The following IQCB1 variants were observed in gnomAD, a reference collection of about 807,000 sequenced individuals.
IQCB1 encodes the protein IQ calmodulin-binding motif-containing protein 1.
Under a neutral mutation model 84.4 loss-of-function variants are expected in IQCB1, and 56 were observed. That is an observed-to-expected ratio of 0.66 (90% confidence interval 0.54 to 0.83). IQCB1 has a LOEUF of 0.83. IQCB1 is among the 40% of genes least tolerant of loss of function. The probability of loss-of-function intolerance (pLI) is 0.00; values close to 1 mark genes in which losing one functional copy is unlikely to be tolerated. For missense variants in IQCB1, 629 were observed against 682.1 expected (o/e 0.92, Z 0.87); for synonymous variants, 210 against 234.8 (o/e 0.89, Z 0.96).
Position 121,788,396 on chromosome 3 carries a change from T to C in IQCB1, c.1166A>G (p.Lys389Arg). 6.2e-7 allele frequency: 1 copy of C among 1,613,920 alleles called. No homozygotes were observed. Among genetic ancestry groups the C allele is most frequent in the South Asian group, 1.1e-5 (1 of 91,080 alleles). Residue 389 changes from lysine to arginine, a missense_variant, in exon 12 of 15, where the codon AAA (lysine) becomes AGA (arginine). By Grantham distance (26) the Lys-to-Arg change is conservative (BLOSUM62 2). Transcript: ENST00000310864. ...ATGTTTCTGGATAATCAGTGCTGAT[T>C]TCTCTTCCATTTCCCGATAGTGTTT... ...VEKHYREMEEKSALIIQKHWR... is the reference protein window; with the variant it reads ...VEKHYREMEERSALIIQKHWR...
chr3:121,772,574 T>C lies in IQCB1; in HGVS notation c.1550A>G (p.Asn517Ser), dbSNP rs774106373. The C allele has an allele frequency of 6.8e-6, 11 of 1,614,232 alleles. No homozygotes were observed. The highest frequency in any genetic ancestry group is 1.1e-5 in the South Asian group (1 of 91,090). Residue 517 changes from asparagine (N) to serine (S), a missense_variant, in exon 14 of 15, where the codon AAC becomes AGC. Coordinates refer to ENST00000310864, the MANE Select transcript of IQCB1 (RefSeq NM_001023570.4). ...GCACATACTCATTAGCTGTTCAACG[T>C]TGGTGCTGATCTGTGCTATCAGAGC... ...REALIAQISTNVEQLMKAPSL... is the reference protein window; with the variant it reads ...REALIAQISTSVEQLMKAPSL...
intron 8 of IQCB1, among the ~76,000 whole-genome samples, chr3:121,798,236 T>C (rs1159118197): frequency 1.3e-5 from 2 of 151,918 alleles, no homozygotes; most frequent in African/African-American, 4.8e-5. Context: ...TCAAGGTACA[T>C]TATTACAATG....
At chr3:121,811,548 G>A (rs1479312759) in intron 5 of IQCB1, among the ~76,000 whole-genome samples, 1 of 152,148 alleles carries the variant, frequency 6.6e-6, no homozygotes, top group East Asian at 1.9e-4. Flanking sequence ...ACAACAGTCT[G>A]AAGTCGACCA....
intron 7 of IQCB1, among the ~76,000 whole-genome samples, 181 bp downstream of exon 7, chr3:121,807,163 G>C (rs559309451): frequency 1.4e-5 from 1 of 70,632 alleles, no homozygotes; most frequent in Admixed American, 1.9e-4. Context: ...TGGAACTTCA[G>C]CATTATATAC....
At chr3:121,830,629 T>C (rs530251753) in intron 2 of IQCB1, among the ~76,000 whole-genome samples, 5 of 152,216 alleles carry the variant, frequency 3.3e-5, no homozygotes. Context: ...ATATATGTTT[T>C]TGTCCACAGT....
rs375070036 is a variant in IQCB1 at position 121,772,715 on chromosome 3, T to C, written c.1411-2A>G. On this transcript the variant is annotated splice_acceptor_variant, in intron 13 of 14. Transcript: ENST00000310864. LOFTEE classifies it high-confidence loss of function. ...GACCACATCTGACATTGGAGAGCCC[T>C]GGAAACACAGGACAGAAAAACCTGT... 3 of 1,613,878 alleles carry C rather than the reference T, an allele frequency of 1.9e-6. No homozygotes were observed. The highest frequency in any genetic ancestry group is 2.5e-6 in the Non-Finnish European group (3 of 1,179,972).
At chr3:121,822,073 A>AAC (rs1041789714) in intron 5 of IQCB1, among the ~76,000 whole-genome samples, 13 of 152,278 alleles carry the variant, frequency 8.5e-5, no homozygotes, top group African/African-American at 3.1e-4. Flanking sequence ...CTCAAACTGA[A>AAC]ACACTGCTTC....
chr3:121,770,368 T>G lies in IQCB1; in HGVS notation c.1774A>C (p.Ile592Leu), dbSNP rs770500330. 1 of 1,612,782 alleles carries G rather than the reference T, an allele frequency of 6.2e-7. No homozygotes were observed. Among genetic ancestry groups the G allele is most frequent in the South Asian group, 1.1e-5 (1 of 91,066 alleles). ...CACTAAGGTGGTTTGGTTCCACCAA[T>G]GAATAAATTTTCTAATTCTATACTA... ...ELSIELENLF[I>L]GGTKPP is the part of the protein sequence containing the mutation. Residue 592 changes from isoleucine to leucine, a missense_variant, in exon 15 of 15, where the codon ATT (isoleucine) becomes CTT (leucine). Coordinates refer to ENST00000310864, the MANE Select transcript of IQCB1 (RefSeq NM_001023570.4).
In IQCB1 at chr3:121,799,213, T is replaced by G. The variant is rs552955528; in HGVS notation, c.749A>C (p.Gln250Pro). Residue 250 changes from glutamine to proline, a missense_variant, in exon 8 of 15, where the codon CAA becomes CCA. Gln to Pro is a moderately conservative substitution (Grantham distance 76). Transcript: ENST00000310864. Reference protein sequence around the residue: ...SHQEILILLRQSTCYKGLRRL... With the variant: ...SHQEILILLRPSTCYKGLRRL... ...TGTACTACCTTTGTAGCAGGTACTT[T>G]GTCTCAGTAAAATCAAAATTTCCTG... 1 of 1,609,228 alleles carries G rather than the reference T, an allele frequency of 6.2e-7. No homozygotes were observed. The highest frequency in any genetic ancestry group is 2.2e-5 in the East Asian group (1 of 44,758).
chr3:121,829,932 G>C, intron 2 of IQCB1, among the ~76,000 whole-genome samples: 1 of 152,018 alleles, frequency 6.6e-6, no homozygotes, highest in Admixed American at 6.6e-5. Context: ...TAAGGCCAGG[G>C]GCAGTGGCTC....
chr3:121,819,892 A>G (rs1214996858), intron 5 of IQCB1, among the ~76,000 whole-genome samples: 1 of 152,090 alleles, frequency 6.6e-6, no homozygotes, highest in East Asian at 1.9e-4. Flanking sequence ...GAATATATAT[A>G]AAAAATTTTT....
At chr3:121,822,259 TTCTC>T (rs965071070) in intron 5 of IQCB1, among the ~76,000 whole-genome samples, 2 of 152,222 alleles carry the variant, frequency 1.3e-5, no homozygotes, top group Non-Finnish European at 1.5e-5. Flanking sequence ...ATCAAGCACT[TTCTC>T]TTTCTTTCTC....
At chr3:121,789,434 C>T (rs1441064947) in intron 11 of IQCB1, among the ~76,000 whole-genome samples, 1 of 152,124 alleles carries the variant, frequency 6.6e-6, no homozygotes, top group Non-Finnish European at 1.5e-5. Context: ...GACTGCTCAG[C>T]ACTCAGCTGA....
intron 5 of IQCB1, among the ~76,000 whole-genome samples, chr3:121,819,229 A>G (rs1950183712): frequency 6.6e-6 from 1 of 152,228 alleles, no homozygotes. Context: ...AAAGAGTCTC[A>G]TCTGAGAGTG....
At chr3:121,820,973 T>C (rs1950252514) in intron 5 of IQCB1, among the ~76,000 whole-genome samples, 1 of 85,626 alleles carries the variant, frequency 1.2e-5, no homozygotes, top group Non-Finnish European at 2.4e-5. Flanking sequence ...CTTTTTCTGT[T>C]TTTTCCTTTT....
intron 5 of IQCB1, among the ~76,000 whole-genome samples, chr3:121,809,704 T>C (rs2108597034): frequency 1.3e-5 from 2 of 152,038 alleles, no homozygotes; most frequent in Middle Eastern, 3.4e-3. Flanking sequence ...CAAGGAGAAA[T>C]AAGAAGTATA....
chr3:121,775,423 A>G (rs889007597), intron 13 of IQCB1, among the ~76,000 whole-genome samples: 3 of 152,182 alleles, frequency 2.0e-5, no homozygotes, highest in Non-Finnish European at 4.4e-5. Context: ...AAGTTGAACA[A>G]TGAGAACACG....
At chr3:121,781,975 T>A in intron 12 of IQCB1, 101 bp from the exon 13 acceptor site, 1 of 1,168,062 alleles carries the variant, frequency 8.6e-7, no homozygotes, top group Non-Finnish European at 1.3e-6. Context: ...CAATAATGAT[T>A]AACTCTGAGT....
At chr3:121,773,231 T>C (rs1361593497) in intron 13 of IQCB1, among the ~76,000 whole-genome samples, 2 of 149,524 alleles carry the variant, frequency 1.3e-5, no homozygotes, top group African/African-American at 4.9e-5. Context: ...GGAGAATTAC[T>C]TGAACCTGGG....
Sources: gnomAD v4.1 joint callset for allele counts (sites outside exome capture counted in the v4.1 genomes callset) on GRCh38, gnomAD v4.1.1 for gene constraint, MANE v1.5 for transcripts, NCBI Gene and HGNC (gene_info 2026-07-23, HGNC 2026-07-21) for gene names.